Variants in KDM5A observed in about 807,000 individuals in gnomAD.
The protein encoded by KDM5A is lysine-specific demethylase 5A.
A neutral mutation model predicts 193.5 loss-of-function variants in KDM5A; 42 were observed. That is an observed-to-expected ratio of 0.22 (90% CI 0.17 to 0.28). KDM5A has a LOEUF of 0.28. Among genes scored for constraint, KDM5A ranks in the 10% least tolerant of loss-of-function variants. The pLI is 1.00. For synonymous variants in KDM5A, 796 were observed against 718.1 expected (o/e 1.11, Z -1.73); for missense variants, 1,692 against 2,055.1 (o/e 0.82, Z 3.42).
At chr12:353,521 T>A (rs1188256737) in intron 8 of KDM5A, among the ~76,000 whole-genome samples, 1 of 152,178 alleles carries the variant, frequency 6.6e-6, no homozygotes, top group Non-Finnish European at 1.5e-5. Context: ...AGTCTCATTA[T>A]CTGCAGCAAT....
At chr12:298,020 T>C (rs1028811047) in intron 24 of KDM5A, among the ~76,000 whole-genome samples, 2 of 152,072 alleles carry the variant, frequency 1.3e-5, no homozygotes, top group Admixed American at 1.3e-4. Context: ...GCAGGGCATC[T>C]CTGAAAAAAA....
In KDM5A at chr12:350,702, A is replaced by G. The variant is rs1944146220; in HGVS notation, c.1227T>C (p.Tyr409=). The part of the protein sequence containing the change: ...SSIEEDVIVE[Y]GADISSKDFG... ...AGTCTTTTGAGGAGATATCTGCTCCATATTCCACAATAACATCTTCTTCAA... is the reference window on the plus strand; with the variant it reads ...AGTCTTTTGAGGAGATATCTGCTCCGTATTCCACAATAACATCTTCTTCAA... The change falls in exon 10 of 28, where the codon TAT becomes TAC. Residue 409 remains tyrosine (Y), a synonymous_variant. Coordinates refer to ENST00000399788, the MANE Select transcript of KDM5A (RefSeq NM_001042603.3). 6.2e-7 allele frequency: 1 copy of G among 1,614,048 alleles called. No homozygotes were observed.
intron 24 of KDM5A, among the ~76,000 whole-genome samples, chr12:301,875 T>C (rs892710027): frequency 7.3e-6 from 1 of 137,160 alleles, no homozygotes; most frequent in East Asian, 2.6e-4. Flanking sequence ...CTATATGCCA[T>C]TCACACACAA....
intron 3 of KDM5A, among the ~76,000 whole-genome samples, chr12:377,996 A>G (rs987666046): frequency 2.0e-5 from 3 of 152,250 alleles, no homozygotes; most frequent in African/African-American, 7.2e-5. Flanking sequence ...ATAATTTTAG[A>G]TTAATAAAAA....
intron 18 of KDM5A, among the ~76,000 whole-genome samples, chr12:318,663 T>C (rs1410314251): frequency 1.3e-5 from 2 of 152,208 alleles, no homozygotes; most frequent in African/African-American, 2.4e-5. Context: ...ACTTTTAAAA[T>C]ATAGTTGATT....
chr12:379,029 TTTA>T (rs1274665543), intron 3 of KDM5A, among the ~76,000 whole-genome samples: 1 of 152,054 alleles, frequency 6.6e-6, no homozygotes, highest in Non-Finnish European at 1.5e-5. Context: ...AGTAATACTT[TTTA>T]TTATCAAAAA....
intron 3 of KDM5A, among the ~76,000 whole-genome samples, chr12:368,332 T>C (rs771361921): frequency 6.6e-6 from 1 of 152,108 alleles, no homozygotes; most frequent in Non-Finnish European, 1.5e-5. Context: ...CACTCAACTG[T>C]GTATTTTTAA....
In KDM5A at chr12:377,424, T is replaced by C. The variant is rs531692931; in HGVS notation, c.366+6607A>G. Among the ~76,000 whole-genome samples, 3 of 151,964 alleles carry C rather than the reference T, an allele frequency of 2.0e-5. No homozygotes were observed. The South Asian group carries it at 6.2e-4, about 32-fold the overall frequency. Reference sequence around the variant, plus strand: ...AAAACAGTGAATGAAAATAAACACATACCAATGCATATCACCGTGAAATTT... The same window carrying C: ...AAAACAGTGAATGAAAATAAACACACACCAATGCATATCACCGTGAAATTT... On this transcript the variant is annotated intron_variant, in intron 3 of 27. Coordinates refer to ENST00000399788, the MANE Select transcript of KDM5A (RefSeq NM_001042603.3).
intron 10 of KDM5A, 71 bp downstream of exon 10, chr12:350,550 C>T (rs2137448563): frequency 1.4e-6 from 2 of 1,407,914 alleles, no homozygotes; most frequent in African/African-American, 2.8e-5. Context: ...TTAATGTGAT[C>T]CCTTAAGATA....
At chr12:378,491 C>G (rs1265714984) in intron 3 of KDM5A, among the ~76,000 whole-genome samples, 1 of 152,180 alleles carries the variant, frequency 6.6e-6, no homozygotes, top group Non-Finnish European at 1.5e-5. Flanking sequence ...TCTAGAACTC[C>G]TGGGCTCAAA....
At position 292,907 on chromosome 12, in the gene KDM5A, A is replaced by G. The variant is rs373843135; in HGVS notation, c.4718T>C (p.Val1573Ala). Residue 1573 changes from valine to alanine, a missense_variant, in exon 27 of 28, where the codon GTT (valine) becomes GCT (alanine). Physicochemically the swap from Val to Ala is moderately conservative, Grantham distance 64. Around this residue, in one of 11 missense-constraint regions of KDM5A, gnomAD observed 965 missense variants for 1,061.0 expected, o/e 0.91. Coordinates refer to ENST00000399788, the MANE Select transcript of KDM5A (RefSeq NM_001042603.3). The part of the protein sequence containing the change: ...KKKEKAAAAK[V>A]ELVKESTEKK... ...TTCAGTGCTCTCTTTCACAAGTTCA[A>G]CTTTGGCTGCAGCAGCCTTCTCCTT... 1 of 1,614,066 alleles carries G rather than the reference A, an allele frequency of 6.2e-7. No homozygotes were observed. The highest frequency in any genetic ancestry group is 8.5e-7 in the Non-Finnish European group (1 of 1,180,016).
At chr12:336,659 C>T (rs720128) in intron 10 of KDM5A, among the ~76,000 whole-genome samples, 65,465 of 151,588 alleles carry the variant, frequency 0.43, 17,082 homozygotes, top group African/African-American at 0.73. Flanking sequence ...TGGCCAACAC[C>T]GTGAAATCCC....
rs7304673 is a variant in KDM5A, at chr12:317,589, A to G, written c.2897+517T>C. Among the ~76,000 whole-genome samples the G allele has an allele frequency of 5.2e-3, 797 of 152,352 alleles. 2 individuals carry two copies. Among genetic ancestry groups the G allele is most frequent in the African/African-American group, 0.011 (467 of 41,590 alleles). On this transcript the variant is annotated intron_variant, in intron 19 of 27. Coordinates refer to ENST00000399788, the MANE Select transcript of KDM5A (RefSeq NM_001042603.3). ...TTTGCACATATTTGAAACGGTCTAC[A>G]TGTAGCCCCATTTGATAACTTAGCG... is the stretch of plus-strand genomic sequence containing the variant.
chr12:384,738 G>A lies in KDM5A; in HGVS notation c.244-585C>T, dbSNP rs553298842. Among the ~76,000 whole-genome samples the A allele has an allele frequency of 1.2e-4, 19 of 152,272 alleles. No individual in the cohort carries two copies. In the South Asian group the frequency reaches 3.5e-3, roughly 28 times the overall value. On this transcript the variant is annotated intron_variant, in intron 2 of 27. Coordinates refer to ENST00000399788, the MANE Select transcript of KDM5A (RefSeq NM_001042603.3). ...TTTTTGTAAGTTGGTTTAACTCTAT[G>A]CTGATCAGAAAATTCAGTAGATCGG...
Position 306,826 on chromosome 12 carries a change from T to A in KDM5A, c.4074+120A>T, listed in dbSNP as rs1943513005. ...GCTACGACTAAAAACTCAGAACAGA[T>A]AAATGATTAGTTTTCTCTTTCACTT... On this transcript the variant is annotated intron_variant, in intron 24 of 27. Transcript: ENST00000399788. The A allele has an allele frequency of 4.0e-6, 4 of 999,328 alleles. No homozygotes were observed. The South Asian group carries it at 5.3e-5, about 13-fold the overall frequency. 61.9% of individuals were successfully genotyped at this position (999,328 alleles called of 1,614,324 possible). A position where few individuals can be genotyped will look rare whatever the true frequency, so the allele number is the denominator to read the frequency against.
At position 307,003 on chromosome 12, in the gene KDM5A, A is replaced by T; in HGVS notation, c.4017T>A (p.Asp1339Glu). The T allele has an allele frequency of 6.2e-7, 1 of 1,613,886 alleles. No homozygotes were observed. The highest frequency in any genetic ancestry group is 8.5e-7 in the Non-Finnish European group (1 of 1,179,986). ...SSSPRQTMDY[D>E]DEETDSDEDI... is the part of the protein sequence containing the mutation. ...CTTCATCAGAGTCTGTTTCTTCATCATCATAGTCCATTGTTTGTCGAGGAG... is the reference window on the plus strand; with the variant it reads ...CTTCATCAGAGTCTGTTTCTTCATCTTCATAGTCCATTGTTTGTCGAGGAG... Residue 1339 changes from aspartate (D) to glutamate (E), a missense_variant, in exon 24 of 28, where the codon GAT becomes GAA. By Grantham distance (45) the Asp-to-Glu change is conservative. This residue lies in a region of KDM5A where 965 missense variants were observed against 1,061.0 expected (regional missense o/e 0.91). Coordinates refer to ENST00000399788, the MANE Select transcript of KDM5A (RefSeq NM_001042603.3). This position sits in a 1 kb window ranked among gnomAD's most constrained non-coding sequence, Gnocchi z 4.3.
chr12:351,118 A>G (rs1199833946), intron 9 of KDM5A, among the ~76,000 whole-genome samples: 1 of 152,166 alleles, frequency 6.6e-6, no homozygotes, highest in Non-Finnish European at 1.5e-5. Flanking sequence ...TATGCCTTTT[A>G]TGATTTTAAC....
At position 309,896 on chromosome 12, in the gene KDM5A, T is replaced by A. The variant is rs764075164; in HGVS notation, c.3285A>T (p.Glu1095Asp). 1 of 1,613,680 alleles carries A rather than the reference T, an allele frequency of 6.2e-7. No homozygotes were observed. The highest frequency in any genetic ancestry group is 1.7e-5 in the Admixed American group (1 of 59,986). Residue 1095 changes from glutamate (E) to aspartate (D), a missense_variant, in exon 22 of 28, where the codon GAA becomes GAT. Physicochemically the swap from Glu to Asp is conservative, Grantham distance 45. Coordinates refer to ENST00000399788, the MANE Select transcript of KDM5A (RefSeq NM_001042603.3). ...SGKNRRKKVKELIEKEKEKDL... is the reference protein window; with the variant it reads ...SGKNRRKKVKDLIEKEKEKDL... ...CCTTTTCTTTTTCTTTTTCTATTAG[T>A]TCTTTTACTTTTTTCCTCCTATTTT...
At chr12:364,881 T>C (rs1944337203) in intron 4 of KDM5A, among the ~76,000 whole-genome samples, 1 of 151,748 alleles carries the variant, frequency 6.6e-6, no homozygotes, top group South Asian at 2.1e-4. Context: ...TGAAAACATA[T>C]GTCCACTCAA....
Sources: gnomAD v4.1 joint callset for allele counts (sites outside exome capture counted in the v4.1 genomes callset) on GRCh38, gnomAD v4.1.1 for gene constraint, gnomAD v4.1.1 regional missense constraint, Gnocchi (gnomAD v3.1) non-coding constraint, MANE v1.5 for transcripts, NCBI Gene and HGNC (gene_info 2026-07-23, HGNC 2026-07-21) for gene names.